Variants in CREB5 observed in about 807,000 individuals in gnomAD.
The protein encoded by CREB5 is cAMP responsive element binding protein 5, also known as cyclic AMP-responsive element-binding protein 5.
Under a neutral mutation model 57.1 loss-of-function variants are expected in CREB5, and 19 were observed. That is an observed-to-expected ratio of 0.33 (90% CI 0.23 to 0.49). The LOEUF is 0.49. Among genes scored for constraint, CREB5 ranks in the 20% least tolerant of loss-of-function variants. The probability of loss-of-function intolerance (pLI) is 0.99; values close to 1 mark genes in which losing one functional copy is unlikely to be tolerated. For missense variants in CREB5, 579 were observed against 671.6 expected (o/e 0.86, Z 1.52); for synonymous variants, 238 against 238.3 (o/e 1.00, Z 0.01).
chr7:28,515,533 C>T (rs749961014), intron 4 of CREB5, among the ~76,000 whole-genome samples: 4 of 152,146 alleles, frequency 2.6e-5, no homozygotes, highest in Admixed American at 6.5e-5. Context: ...CTCAACATGC[C>T]GGAAACCATA....
chr7:28,494,468 C>A (rs1791932709), intron 2 of CREB5, among the ~76,000 whole-genome samples: 2 of 152,020 alleles, frequency 1.3e-5, no homozygotes, highest in Non-Finnish European at 2.9e-5. Flanking sequence ...AAGTGCAAAC[C>A]CATAGCTCCT....
intron 1 of CREB5, among the ~76,000 whole-genome samples, chr7:28,360,814 G>A: frequency 6.6e-6 from 1 of 152,190 alleles, no homozygotes; most frequent in East Asian, 1.9e-4. Flanking sequence ...TGTGTTCTGG[G>A]TTGGTACTGG....
chr7:28,480,664 A>G (rs1562746332), intron 1 of CREB5, among the ~76,000 whole-genome samples: 1 of 152,196 alleles, frequency 6.6e-6, no homozygotes, highest in Non-Finnish European at 1.5e-5. Context: ...GAATCTCTAC[A>G]CTTGTATTTT....
chr7:28,372,016 C>T (rs1786715712), intron 1 of CREB5, among the ~76,000 whole-genome samples: 1 of 152,116 alleles, frequency 6.6e-6, no homozygotes, highest in Non-Finnish European at 1.5e-5. Context: ...GTGTGCCAGG[C>T]TCTGTTCTGG....
intron 5 of CREB5, among the ~76,000 whole-genome samples, chr7:28,696,516 G>A (rs767424815): frequency 1.3e-5 from 2 of 152,102 alleles, no homozygotes; most frequent in Non-Finnish European, 2.9e-5. Context: ...ATCTTATAGG[G>A]TTTTTCCAGC....
At chr7:28,586,180 C>T (rs1583668017) in intron 5 of CREB5, among the ~76,000 whole-genome samples, 1 of 152,158 alleles carries the variant, frequency 6.6e-6, no homozygotes. Context: ...GCCCATGCTC[C>T]TTGTGGTCCT....
At chr7:28,434,752 A>T (rs1788877240) in intron 1 of CREB5, among the ~76,000 whole-genome samples, 1 of 152,222 alleles carries the variant, frequency 6.6e-6, no homozygotes, top group Non-Finnish European at 1.5e-5. Flanking sequence ...AGTCATATGA[A>T]TACAAATAAT....
At chr7:28,756,603 C>G (rs1286246367) in intron 7 of CREB5, among the ~76,000 whole-genome samples, 1 of 151,312 alleles carries the variant, frequency 6.6e-6, no homozygotes, top group Non-Finnish European at 1.5e-5. Flanking sequence ...CCTTGCATTT[C>G]AGCAGGATGG....
In CREB5 at chr7:28,773,128, A is replaced by T. The variant is rs905887351; in HGVS notation, c.703-31071A>T. 2.0e-5 allele frequency among the ~76,000 whole-genome samples: 3 copies of T among 152,152 alleles called. No individual in the cohort carries two copies. In the East Asian group the frequency reaches 5.8e-4, roughly 29 times the overall value. ...ATTTCCTTTTTAATATCTGTTTTTT[A>T]AAATTAATACTTTCTTAAATAGCTT... On this transcript the variant is annotated intron_variant, in intron 7 of 10. Coordinates refer to ENST00000357727, the MANE Select transcript of CREB5 (RefSeq NM_182898.4).
At chr7:28,359,012 C>G (rs556827946) in intron 1 of CREB5, among the ~76,000 whole-genome samples, 2 of 152,168 alleles carry the variant, frequency 1.3e-5, no homozygotes, top group East Asian at 3.9e-4. Context: ...TTACTTCTTT[C>G]AAAATATAGG....
intron 1 of CREB5, among the ~76,000 whole-genome samples, chr7:28,320,061 G>C (rs895801494): frequency 1.5e-4 from 23 of 152,072 alleles, no homozygotes; most frequent in African/African-American, 4.8e-4. Context: ...CTCCCAAGTA[G>C]CTAAGACTAC....
chr7:28,784,075 G>A (rs6977136), intron 7 of CREB5, among the ~76,000 whole-genome samples: 25,341 of 152,214 alleles, frequency 0.17, 2,267 homozygotes, highest in African/African-American at 0.22. Flanking sequence ...AATGACTGCC[G>A]TCACTCAGAT....
intron 5 of CREB5, among the ~76,000 whole-genome samples, chr7:28,599,594 C>A (rs919652248): frequency 6.6e-6 from 1 of 152,186 alleles, no homozygotes; most frequent in Admixed American, 6.5e-5. Flanking sequence ...CCTCCGGAAA[C>A]CATGCGCCCC....
intron 4 of CREB5, among the ~76,000 whole-genome samples, chr7:28,511,298 G>A (rs1048500443): frequency 3.3e-5 from 5 of 151,942 alleles, no homozygotes. Context: ...GGAGAAGAAT[G>A]TTTCAAGCTG....
chr7:28,791,592 T>C (rs1468898290), intron 7 of CREB5, among the ~76,000 whole-genome samples: 2 of 152,246 alleles, frequency 1.3e-5, no homozygotes, highest in Non-Finnish European at 2.9e-5. Flanking sequence ...TTTCATAGCT[T>C]AATATCTGCA....
Position 28,822,202 on chromosome 7 carries a change from T to C in CREB5, c.*2923T>C, listed in dbSNP as rs919196626. 6.6e-6 allele frequency: 1 copy of C among 152,224 alleles called. No homozygotes were observed. The highest frequency in any genetic ancestry group is 2.4e-5 in the African/African-American group (1 of 41,440). 9.4% of individuals were successfully genotyped at this position (152,224 alleles called of 1,614,324 possible). A position where few individuals can be genotyped will look rare whatever the true frequency, so the allele number is the denominator to read the frequency against. Reference sequence around the variant, plus strand: ...TTGTTCTACTCAGGGCCTTTAGGTGTGTTCATTCACGGTATGGAAATACAG... The same window carrying C: ...TTGTTCTACTCAGGGCCTTTAGGTGCGTTCATTCACGGTATGGAAATACAG... On this transcript the variant is annotated 3_prime_UTR_variant, in exon 11 of 11. Transcript: ENST00000357727.
Position 28,488,204 on chromosome 7 carries a change from G to T in CREB5, c.33G>T (p.Glu11Asp). 6.2e-7 allele frequency: 1 copy of T among 1,613,924 alleles called. No homozygotes were observed. Among genetic ancestry groups the T allele is most frequent in the East Asian group, 2.2e-5 (1 of 44,870 alleles). The change falls in exon 2 of 11, where the codon GAG becomes GAT. Residue 11 changes from glutamate (E) to aspartate (D), a missense_variant. Physicochemically the swap from Glu to Asp is conservative, Grantham distance 45. Coordinates refer to ENST00000357727, the MANE Select transcript of CREB5 (RefSeq NM_182898.4). Reference sequence around the variant, plus strand: ...ATGAGGAATCCAAGATGAATTTGGAGCAGGAGAGGCCGTTTGTCTGCAGTG... The same window carrying T: ...ATGAGGAATCCAAGATGAATTTGGATCAGGAGAGGCCGTTTGTCTGCAGTG... MIYEESKMNL[E>D]QERPFVCSAP...
chr7:28,525,644 A>G (rs1793415864), intron 4 of CREB5, among the ~76,000 whole-genome samples: 1 of 152,192 alleles, frequency 6.6e-6, no homozygotes, highest in Non-Finnish European at 1.5e-5. Context: ...ATTGGCATGC[A>G]GTAAGGTACC....
At chr7:28,588,186 G>A (rs956795075) in intron 5 of CREB5, among the ~76,000 whole-genome samples, 2 of 152,126 alleles carry the variant, frequency 1.3e-5, no homozygotes, top group Admixed American at 6.5e-5. Flanking sequence ...TTTGGAGGGG[G>A]CCATTTCCTA....
Sources: gnomAD v4.1 joint callset for allele counts (sites outside exome capture counted in the v4.1 genomes callset) on GRCh38, gnomAD v4.1.1 for gene constraint, MANE v1.5 for transcripts, NCBI Gene and HGNC (gene_info 2026-07-23, HGNC 2026-07-21) for gene names.